The following IQSEC3 variants were observed in gnomAD, a reference collection of about 807,000 sequenced individuals.
IQSEC3 encodes the protein IQ motif and SEC7 domain-containing protein 3.
A neutral mutation model predicts 105.4 loss-of-function variants in IQSEC3; 50 were observed. The observed-to-expected ratio is 0.47, with a 90% CI of 0.38 to 0.60. The LOEUF (loss-of-function observed/expected upper bound fraction) is 0.60, where lower values mean the gene tolerates loss of function less well. IQSEC3 is among the 20% of genes least tolerant of loss of function. IQSEC3 has a pLI of 0.00. For missense variants in IQSEC3, 1,415 were observed against 1,630.0 expected (o/e 0.87, Z 2.27); for synonymous variants, 708 against 746.0 (o/e 0.95, Z 0.83).
chr12:128,512 G>A (rs1591690100), intron 3 of IQSEC3, among the ~76,000 whole-genome samples: 2 of 152,090 alleles, frequency 1.3e-5, no homozygotes, highest in Admixed American at 6.5e-5. Context: ...TCCATGGCCT[G>A]GGAGGGGTGT....
chr12:90,496 T>G (rs965497486), intron 1 of IQSEC3, among the ~76,000 whole-genome samples: 9 of 152,246 alleles, frequency 5.9e-5, no homozygotes, highest in African/African-American at 2.2e-4. Flanking sequence ...TTTTTTAAAT[T>G]TTTATGTATG....
intron 3 of IQSEC3, among the ~76,000 whole-genome samples, chr12:131,866 C>G (rs142189967): frequency 6.6e-6 from 1 of 152,140 alleles, no homozygotes; most frequent in Non-Finnish European, 1.5e-5. Flanking sequence ...TTAGGACACA[C>G]GATGGTGAAC....
intron 13 of IQSEC3, among the ~76,000 whole-genome samples, chr12:172,926 G>A (rs142051036): frequency 2.6e-4 from 39 of 152,318 alleles, no homozygotes; most frequent in Admixed American, 1.5e-3. Context: ...CAGAGGGGGC[G>A]CGGCACGGGG....
At chr12:107,402 C>CTTTTTTTTTT (rs58053657) in intron 2 of IQSEC3, among the ~76,000 whole-genome samples, 10 of 75,984 alleles carry the variant, frequency 1.3e-4, no homozygotes, top group East Asian at 4.3e-4. Context: ...AGTCTGTTTT[C>CTTTTTTTTTT]TTTTTTTTTT....
chr12:70,191 T>C (rs2136855659), intron 1 of IQSEC3, among the ~76,000 whole-genome samples: 1 of 152,392 alleles, frequency 6.6e-6, no homozygotes, highest in East Asian at 1.9e-4. Flanking sequence ...AGATGCATTA[T>C]GTCCTCACAC....
At position 175,163 on chromosome 12, in the gene IQSEC3, T is replaced by C. The variant is rs1049930454; in HGVS notation, c.*130T>C. ...GATCACCATCATTTTGGGAAGAGAA[T>C]CCCAATCCCTGGCACCTGGGTTTGC... On this transcript the variant is annotated 3_prime_UTR_variant, in exon 14 of 14. Transcript: ENST00000538872. The C allele has an allele frequency of 7.3e-5, 55 of 757,218 alleles. 1 individual carries two copies. The highest frequency in any genetic ancestry group is 1.1e-4 in the Non-Finnish European group (53 of 490,604). 46.9% of individuals were successfully genotyped at this position (757,218 alleles called of 1,614,324 possible).
intron 2 of IQSEC3, among the ~76,000 whole-genome samples, chr12:120,366 G>A (rs530285609): frequency 2.0e-5 from 3 of 152,296 alleles, no homozygotes; most frequent in Admixed American, 6.5e-5. Flanking sequence ...CAGTGTGGAC[G>A]GAGTGGACAG....
intron 7 of IQSEC3, among the ~76,000 whole-genome samples, chr12:161,492 G>A (rs1555096191): frequency 6.6e-6 from 1 of 152,152 alleles, no homozygotes; most frequent in Non-Finnish European, 1.5e-5. Flanking sequence ...GGAGAGCCCA[G>A]CAGGAGGAAG....
intron 7 of IQSEC3, among the ~76,000 whole-genome samples, chr12:160,192 A>T (rs1378194734): frequency 2.1e-5 from 3 of 144,782 alleles, no homozygotes; most frequent in African/African-American, 2.6e-5. Flanking sequence ...TTTTTCCCCC[A>T]TATTTCTTTC....
chr12:163,454 G>C (rs1591748015), intron 8 of IQSEC3, 40 bp from the exon 9 acceptor site: 3 of 1,557,534 alleles, frequency 1.9e-6, no homozygotes, highest in Middle Eastern at 3.5e-4. Context: ...AGGCCTCCAG[G>C]CCTCTGGTCT....
At chr12:93,452 G>T (rs536189913) in intron 1 of IQSEC3, among the ~76,000 whole-genome samples, 2 of 152,170 alleles carry the variant, frequency 1.3e-5, no homozygotes, top group South Asian at 4.1e-4. Flanking sequence ...CTGGTGTCCA[G>T]TGTCCATCTG....
chr12:83,691 G>A (rs1169094798), intron 1 of IQSEC3, among the ~76,000 whole-genome samples: 1 of 150,428 alleles, frequency 6.6e-6, no homozygotes, highest in Non-Finnish European at 1.5e-5. Context: ...AGAGGTTGAT[G>A]GGAAGGCGGG....
rs782464556 is a variant in IQSEC3, at chr12:165,450, C to A, written c.2726C>A (p.Pro909Gln). 14 of 1,613,732 alleles carry A rather than the reference C, an allele frequency of 8.7e-6. No homozygotes were observed. The African/African-American group carries it at 1.9e-4, about 22-fold the overall frequency. Residue 909 changes from proline to glutamine, a missense_variant, in exon 10 of 14, where the codon CCG becomes CAG. Transcript: ENST00000538872. Reference protein sequence around the residue: ...NDLLVILKLCPKKKSSSTYTF... With the variant: ...NDLLVILKLCQKKKSSSTYTF... ...CCTGAACAGATTCTCAAACTTTGCC[C>A]GAAGAAGAAGAGCTCCTCCACGTAC... is the stretch of plus-strand genomic sequence containing the variant.
chr12:134,046 G>A (rs1199725286), intron 3 of IQSEC3, among the ~76,000 whole-genome samples: 1 of 152,272 alleles, frequency 6.6e-6, no homozygotes, highest in African/African-American at 2.4e-5. Flanking sequence ...CAGGTGCAAA[G>A]CTGCAGATAG....
At chr12:148,890 C>G (rs1866391970) in intron 5 of IQSEC3, 1 of 152,066 alleles carries the variant, frequency 6.6e-6, no homozygotes. Context: ...CTACCATTAC[C>G]TATTTTCAGC....
At chr12:75,438 T>C (rs1161373119) in intron 1 of IQSEC3, among the ~76,000 whole-genome samples, 2 of 152,192 alleles carry the variant, frequency 1.3e-5, no homozygotes, top group African/African-American at 2.4e-5. Flanking sequence ...CTTTGGGCTG[T>C]AGAAGGGATA....
chr12:95,190 C>T (rs1480267026), intron 1 of IQSEC3, among the ~76,000 whole-genome samples: 1 of 152,188 alleles, frequency 6.6e-6, no homozygotes, highest in Non-Finnish European at 1.5e-5. Flanking sequence ...GAATTTTGGC[C>T]GGGGAACCAC....
At chr12:81,141 G>A (rs1188094283) in intron 1 of IQSEC3, among the ~76,000 whole-genome samples, 1 of 152,186 alleles carries the variant, frequency 6.6e-6, no homozygotes, top group Non-Finnish European at 1.5e-5. Flanking sequence ...GGATGAGGAA[G>A]GTTGTTGTTC....
chr12:103,784 C>T (rs1353589574), intron 2 of IQSEC3, among the ~76,000 whole-genome samples: 2 of 3,918 alleles, frequency 5.1e-4, no homozygotes, highest in African/African-American at 1.2e-3. Flanking sequence ...GGAGGGGAGG[C>T]GGGGCTCAGG....
Sources: allele counts gnomAD v4.1 joint callset (sites outside exome capture counted in the v4.1 genomes callset), GRCh38; gene constraint gnomAD v4.1.1; transcripts MANE v1.5; gene names NCBI Gene and HGNC (gene_info 2026-07-23, HGNC 2026-07-21).